The following ABCC8 variants were observed in gnomAD, a reference collection of about 807,000 sequenced individuals.
ABCC8 encodes ATP binding cassette subfamily C member 8.
In ABCC8, 137 loss-of-function variants were observed where a neutral mutation model predicts 188.0. That is an observed-to-expected ratio of 0.73 (90% CI 0.63 to 0.84). The LOEUF is 0.84. ABCC8 is among the 40% of genes least tolerant of loss of function. ABCC8 has a pLI of 0.00. For synonymous variants in ABCC8, 797 were observed against 846.5 expected (o/e 0.94, Z 1.01); for missense variants, 1,750 against 2,072.7 (o/e 0.84, Z 3.02).
At chr11:17,428,742 T>C in intron 12 of ABCC8, 72 bp from the exon 13 acceptor site, 1 of 1,592,460 alleles carries the variant, frequency 6.3e-7, no homozygotes, top group Non-Finnish European at 8.5e-7. Flanking sequence ...CGCAGCCTGA[T>C]AGAGAGCTCT....
In ABCC8 at chr11:17,406,640, A is replaced by T; in HGVS notation, c.3311T>A (p.Ile1104Asn). The T allele has an allele frequency of 6.2e-7, 1 of 1,614,102 alleles. No homozygotes were observed. The highest frequency in any genetic ancestry group is 8.5e-7 in the Non-Finnish European group (1 of 1,179,990). The change falls in exon 26 of 39, where the codon ATC (isoleucine) becomes AAC (asparagine). Residue 1104 changes from isoleucine to asparagine, a missense_variant. Transcript: ENST00000389817. The stretch of plus-strand genomic sequence containing the variant: ...CGGGTACCTCATGGGGGCTAGGATG[A>T]TCCGGTTTAGCAGGCTGCGGTGCAG... Reference protein sequence around the residue: ...KRLHRSLLNRIILAPMRFFET... With the variant: ...KRLHRSLLNRNILAPMRFFET...
chr11:17,394,352 G>C lies in ABCC8; in HGVS notation c.4459C>G (p.Gln1487Glu). The change falls in exon 37 of 39, where the codon CAG (glutamine) becomes GAG (glutamate). Residue 1487 changes from glutamine (Q) to glutamate (E), a missense_variant. Transcript: ENST00000389817. Reference sequence around the variant, plus strand: ...AAGGCCCGGGCCAGGCAGAACAGCTGCCTCTGTCCCTGGCTGAAATTCTCC... The same window carrying C: ...AAGGCCCGGGCCAGGCAGAACAGCTCCCTCTGTCCCTGGCTGAAATTCTCC... ...GGENFSQGQR[Q>E]LFCLARAFVR... is the part of the protein sequence containing the mutation. 1 of 1,614,160 alleles carries C rather than the reference G, an allele frequency of 6.2e-7. No homozygotes were observed. The highest frequency in any genetic ancestry group is 8.5e-7 in the Non-Finnish European group (1 of 1,180,044).
intron 3 of ABCC8, among the ~76,000 whole-genome samples, chr11:17,466,893 T>C (rs1305763671): frequency 2.0e-5 from 3 of 152,176 alleles, no homozygotes; most frequent in Admixed American, 1.3e-4. Context: ...CTCGAACTTC[T>C]GAGCTCAAGC....
Position 17,461,802 on chromosome 11 carries a change from C to T in ABCC8, c.603G>A (p.Pro201=), listed in dbSNP as rs765113879. Reference sequence around the variant, plus strand: ...GGTCCTCGGGAGGCTTCACCTCCCTCGGTGTCTTGAAGAAGATGTATCTCT... The same window carrying T: ...GGTCCTCGGGAGGCTTCACCTCCCTTGGTGTCTTGAAGAAGATGTATCTCT... The part of the protein sequence containing the change: ...RVRRYIFFKT[P]REVKPPEDLQ... The change falls in exon 5 of 39, where the codon CCG becomes CCA. Residue 201 remains proline, a synonymous_variant. Coordinates refer to ENST00000389817, the MANE Select transcript of ABCC8 (RefSeq NM_000352.6). 27 of 1,613,972 alleles carry T rather than the reference C, an allele frequency of 1.7e-5. No homozygotes were observed. The highest frequency in any genetic ancestry group is 4.0e-5 in the African/African-American group (3 of 74,916).
intron 22 of ABCC8, 143 bp from the exon 23 acceptor site, chr11:17,408,660 G>T: frequency 1.5e-6 from 2 of 1,342,958 alleles, no homozygotes; most frequent in Non-Finnish European, 2.0e-6. Flanking sequence ...CTGCAAGTGG[G>T]CTGGTATTGA....
At chr11:17,407,873 AGTT>A (rs1221994950) in intron 23 of ABCC8, among the ~76,000 whole-genome samples, 1 of 151,960 alleles carries the variant, frequency 6.6e-6, no homozygotes, top group East Asian at 1.9e-4. Context: ...TTTCTGGCAG[AGTT>A]GTTGAGCTGG....
At chr11:17,469,053 CCCT>C (rs369574206) in intron 3 of ABCC8, among the ~76,000 whole-genome samples, 1,388 of 3,902 alleles carry the variant, frequency 0.36, 40 homozygotes, top group Non-Finnish European at 0.41. Flanking sequence ...TCTTCTCCCT[CCCT>C]CCTCCCTCCC....
chr11:17,428,133 A>T, intron 14 of ABCC8, 156 bp downstream of exon 14: 3 of 1,555,200 alleles, frequency 1.9e-6, no homozygotes, highest in East Asian at 4.5e-5. Flanking sequence ...GGGTCCCCCC[A>T]CTTGGTGGTC....
At chr11:17,408,907 G>T (rs1053286472) in intron 22 of ABCC8, among the ~76,000 whole-genome samples, 5 of 151,654 alleles carry the variant, frequency 3.3e-5, no homozygotes, top group African/African-American at 1.2e-4. Flanking sequence ...CAAAGCACCT[G>T]CTGGTCTAAG....
At chr11:17,439,525 A>G (rs1956231489) in intron 10 of ABCC8, among the ~76,000 whole-genome samples, 1 of 152,110 alleles carries the variant, frequency 6.6e-6, no homozygotes, top group Non-Finnish European at 1.5e-5. Flanking sequence ...AGTCCAGAGG[A>G]GGTAAATGAA....
chr11:17,398,637 C>T, intron 29 of ABCC8, 196 bp from the exon 30 acceptor site: 1 of 558,458 alleles, frequency 1.8e-6, no homozygotes, highest in Non-Finnish European at 2.3e-6. Flanking sequence ...CCAGAATCCC[C>T]ACCTCCTCCA....
intron 8 of ABCC8, chr11:17,444,512 G>C (rs1008999047): frequency 6.6e-6 from 1 of 152,548 alleles, no homozygotes; most frequent in Non-Finnish European, 1.5e-5. Context: ...TGGGGTGGGA[G>C]CTGGTGCTGC....
intron 2 of ABCC8, among the ~76,000 whole-genome samples, chr11:17,473,363 C>T (rs985485022): frequency 1.2e-4 from 18 of 152,114 alleles, no homozygotes; most frequent in African/African-American, 3.6e-4. Flanking sequence ...GCAGGCAGAG[C>T]TGCTGCCTCC....
intron 2 of ABCC8, among the ~76,000 whole-genome samples, chr11:17,474,387 T>C (rs1261012763): frequency 3.3e-5 from 5 of 152,018 alleles, no homozygotes; most frequent in Non-Finnish European, 5.9e-5. Context: ...GAGTGTGCTG[T>C]GAGGCCCAAA....
At chr11:17,431,075 GA>G in intron 11 of ABCC8, 116 bp from the exon 12 acceptor site, 1 of 1,506,570 alleles carries the variant, frequency 6.6e-7, no homozygotes, top group South Asian at 1.2e-5. Context: ...AGGCTCCTAA[GA>G]GGATCTTTTA....
intron 6 of ABCC8, among the ~76,000 whole-genome samples, chr11:17,456,695 C>T (rs532727097): frequency 6.6e-6 from 1 of 152,288 alleles, no homozygotes; most frequent in Non-Finnish European, 1.5e-5. Flanking sequence ...CATATATTAG[C>T]CACTGTGTCC....
chr11:17,458,365 G>A (rs1009134221), intron 6 of ABCC8, among the ~76,000 whole-genome samples: 1 of 152,222 alleles, frequency 6.6e-6, no homozygotes, highest in African/African-American at 2.4e-5. Flanking sequence ...CAATGATAAC[G>A]TTCAGATGAA....
intron 12 of ABCC8, 122 bp from the exon 13 acceptor site, chr11:17,428,792 C>G: frequency 6.5e-7 from 1 of 1,529,452 alleles, no homozygotes. Flanking sequence ...CCACAAAGCC[C>G]ACACTGAAGG....
chr11:17,427,343 C>T lies in ABCC8; in HGVS notation c.2117-189G>A, dbSNP rs566807090. ...TGGAAATCAACATCCTCCTCTGGCTCCCCAGGTCCTTCCCCCTCTCTGATT... is the reference window on the plus strand; with the variant it reads ...TGGAAATCAACATCCTCCTCTGGCTTCCCAGGTCCTTCCCCCTCTCTGATT... On this transcript the variant is annotated intron_variant, in intron 15 of 38. Transcript: ENST00000389817. The surrounding 1 kb of genome is among the most constrained non-coding windows in gnomAD (Gnocchi z 5.0). 297 of 718,222 alleles carry T rather than the reference C, an allele frequency of 4.1e-4. 1 individual carries two copies. Among genetic ancestry groups the T allele is most frequent in the Non-Finnish European group, 4.7e-4 (278 of 586,212 alleles). The allele number at this position is 718,222 out of a possible 1,614,324, so 44.5% of individuals were successfully genotyped here.
Sources: gnomAD v4.1 joint callset for allele counts (sites outside exome capture counted in the v4.1 genomes callset) on GRCh38, gnomAD v4.1.1 for gene constraint, Gnocchi (gnomAD v3.1) non-coding constraint, MANE v1.5 for transcripts, NCBI Gene and HGNC (gene_info 2026-07-23, HGNC 2026-07-21) for gene names.